SYTL3: variants seen among roughly 807,000 people sequenced by gnomAD.
SYTL3 encodes the protein synaptotagmin like 3, also known as synaptotagmin-like protein 3.
In SYTL3, 88 loss-of-function variants were observed where a neutral mutation model predicts 82.1. That is an observed-to-expected ratio of 1.07 (90% CI 0.90 to 1.28). SYTL3 has a LOEUF of 1.28. Ranked by LOEUF, SYTL3 falls within the 50% of genes most tolerant of loss-of-function variation. The pLI is 0.00. For synonymous variants in SYTL3, 311 were observed against 289.4 expected (o/e 1.07, Z -0.76); for missense variants, 831 against 757.6 (o/e 1.10, Z -1.14).
rs1789563746 is a variant in SYTL3 at position 158,663,173 on chromosome 6, G to A, written c.-96G>A. On this transcript the variant is annotated 5_prime_UTR_variant, in exon 4 of 18. Transcript: ENST00000611299. ...GAGAGGGAGCTCTTTAAACAAGGCT[G>A]GCTGCAGCTGGCCTCCGCCGCTCAT... 2.0e-6 allele frequency: 2 copies of A among 1,024,592 alleles called. No individual in the cohort carries two copies. The highest frequency in any genetic ancestry group is 2.5e-5 in the East Asian group (1 of 40,510). 63.5% of individuals were successfully genotyped at this position (1,024,592 alleles called of 1,614,324 possible).
At chr6:158,680,909 C>T (rs762101324) in intron 5 of SYTL3, among the ~76,000 whole-genome samples, 13 of 152,168 alleles carry the variant, frequency 8.5e-5, no homozygotes, top group Non-Finnish European at 2.9e-5. Context: ...ATTACTAGCA[C>T]TTCATAGAGA....
At chr6:158,676,039 A>C (rs1777993175) in intron 5 of SYTL3, among the ~76,000 whole-genome samples, 1 of 152,204 alleles carries the variant, frequency 6.6e-6, no homozygotes, top group Non-Finnish European at 1.5e-5. Flanking sequence ...TTCTTCACAG[A>C]ATTGGAAAAA....
intron 11 of SYTL3, among the ~76,000 whole-genome samples, chr6:158,733,712 C>G (rs2128493463): frequency 6.6e-6 from 1 of 152,172 alleles, no homozygotes; most frequent in South Asian, 2.1e-4. Flanking sequence ...CCAGTGGAAA[C>G]AAGACACTGT....
chr6:158,707,105 A>ATC, intron 6 of SYTL3, 125 bp from the exon 7 acceptor site: 1 of 978,586 alleles, frequency 1.0e-6, no homozygotes, highest in South Asian at 1.5e-5. Flanking sequence ...CCTCAAAATG[A>ATC]TCTCTTACTT....
chr6:158,659,322 GCTGT>G (rs1484905764), intron 2 of SYTL3, among the ~76,000 whole-genome samples: 2 of 152,186 alleles, frequency 1.3e-5, no homozygotes, highest in African/African-American at 4.8e-5. Context: ...GCCAGAAGGA[GCTGT>G]CTGTCTAGGG....
Position 158,663,367 on chromosome 6 carries a change from G to A in SYTL3, c.99G>A (p.Glu33=), listed in dbSNP as rs1332275504. The A allele has an allele frequency of 2.5e-6, 4 of 1,613,784 alleles. No individual in the cohort carries two copies. Among genetic ancestry groups the A allele is most frequent in the Admixed American group, 1.7e-5 (1 of 60,020 alleles). Reference sequence around the variant, plus strand: ...ACCAGGCGGTTCAAAACACAGAGGAGGAGAGGACACGGTAGGCTGCCCTTC... The same window carrying A: ...ACCAGGCGGTTCAAAACACAGAGGAAGAGAGGACACGGTAGGCTGCCCTTC... The part of the protein sequence containing the change: ...YRDQAVQNTE[E]ERTRKLKTHL... The change falls in exon 4 of 18, where the codon GAG becomes GAA. Residue 33 remains glutamate (E), a synonymous_variant. Transcript: ENST00000611299.
At chr6:158,652,693 C>T (rs1486078557) in intron 2 of SYTL3, among the ~76,000 whole-genome samples, 7 of 152,140 alleles carry the variant, frequency 4.6e-5, no homozygotes, top group Non-Finnish European at 1.5e-5. Flanking sequence ...AGGTGCCCAC[C>T]ACCATGCCCG....
chr6:158,747,511 T>C (rs1283865252), intron 12 of SYTL3, among the ~76,000 whole-genome samples: 2 of 151,882 alleles, frequency 1.3e-5, no homozygotes, highest in African/African-American at 4.8e-5. Context: ...ACTACAGGAG[T>C]GGAGTGCAAT....
At chr6:158,710,224 T>C (rs1782604380) in intron 8 of SYTL3, among the ~76,000 whole-genome samples, 1 of 152,206 alleles carries the variant, frequency 6.6e-6, no homozygotes, top group Admixed American at 6.5e-5. Flanking sequence ...AAGGGAAGTG[T>C]AGAAATACAC....
In SYTL3 at chr6:158,663,259, C is replaced by T. The variant is rs534279054; in HGVS notation, c.-10C>T. ...CTCTTCCAACCTGGGTCAACGAAAA[C>T]GGAGAAGAAATGGCCCAAGAAATAG... On this transcript the variant is annotated 5_prime_UTR_variant, in exon 4 of 18. In the 5' UTR this introduces an upstream ATG that the reference lacks. Coordinates refer to ENST00000611299, the MANE Select transcript of SYTL3 (RefSeq NM_001242394.2). 1.3e-5 allele frequency: 21 copies of T among 1,613,632 alleles called. No individual in the cohort carries two copies. The highest frequency in any genetic ancestry group is 7.7e-5 in the South Asian group (7 of 91,052).
At chr6:158,764,186 C>G (rs971359554) in intron 17 of SYTL3, among the ~76,000 whole-genome samples, 4 of 152,250 alleles carry the variant, frequency 2.6e-5, no homozygotes, top group African/African-American at 7.2e-5. Context: ...GCTAGCCATG[C>G]TGGTGTGCAA....
At chr6:158,703,822 C>CATTATTATT (rs71761794) in intron 6 of SYTL3, among the ~76,000 whole-genome samples, 11 of 129,514 alleles carry the variant, frequency 8.5e-5, no homozygotes, top group South Asian at 2.3e-4. Flanking sequence ...ATATTATTAT[C>CATTATTATT]ATTATTATTA....
At chr6:158,649,520 C>T (rs954086154), upstream of SYTL3, among the ~76,000 whole-genome samples, 1 of 152,224 alleles carries the variant, frequency 6.6e-6, no homozygotes, top group African/African-American at 2.4e-5. Context: ...CTTGGCCATG[C>T]CTGAGTTAGC....
At chr6:158,757,712 T>C (rs1357485829) in intron 14 of SYTL3, among the ~76,000 whole-genome samples, 1 of 152,208 alleles carries the variant, frequency 6.6e-6, no homozygotes, top group Non-Finnish European at 1.5e-5. Context: ...GCCATGCCTT[T>C]CCCTGGGGGC....
At chr6:158,717,832 A>G (rs1449665492) in intron 9 of SYTL3, among the ~76,000 whole-genome samples, 1 of 152,128 alleles carries the variant, frequency 6.6e-6, no homozygotes, top group Non-Finnish European at 1.5e-5. Flanking sequence ...CACCCTGACC[A>G]TGGCCTGGGT....
At chr6:158,660,243 C>T (rs1789213227) in intron 2 of SYTL3, among the ~76,000 whole-genome samples, 1 of 151,980 alleles carries the variant, frequency 6.6e-6, no homozygotes, top group African/African-American at 2.4e-5. Flanking sequence ...CCAGCCTGGA[C>T]AACAGAGCAA....
At chr6:158,746,977 A>T (rs1179945794) in intron 12 of SYTL3, among the ~76,000 whole-genome samples, 1 of 151,840 alleles carries the variant, frequency 6.6e-6, no homozygotes, top group Non-Finnish European at 1.5e-5. Context: ...TGCATTTGCC[A>T]CTTAGGTTTA....
chr6:158,732,939 T>C (rs1265368421), intron 11 of SYTL3, among the ~76,000 whole-genome samples: 1 of 127,292 alleles, frequency 7.9e-6, no homozygotes, highest in Non-Finnish European at 1.7e-5. Flanking sequence ...AAAACATGTT[T>C]TAAAAGTTTA....
In SYTL3 at chr6:158,665,592, G is replaced by A. The variant is rs985125928; in HGVS notation, c.308G>A (p.Cys103Tyr). The A allele has an allele frequency of 6.4e-6, 10 of 1,569,410 alleles. No homozygotes were observed. The highest frequency in any genetic ancestry group is 8.6e-6 in the Non-Finnish European group (10 of 1,156,738). Residue 103 changes from cysteine to tyrosine, a missense_variant, in exon 5 of 18, where the codon TGC becomes TAC. Cys to Tyr is a radical substitution (Grantham distance 194). Coordinates refer to ENST00000611299, the MANE Select transcript of SYTL3 (RefSeq NM_001242394.2). ...VFLRGTHAWK[C>Y]TVCFEDRNVK... ...CTGAGGGGGACCCATGCCTGGAAGT[G>A]CACGGTGTGCTTCGAGGACAGGTAA...
Sources: allele counts gnomAD v4.1 joint callset (sites outside exome capture counted in the v4.1 genomes callset), GRCh38; gene constraint gnomAD v4.1.1; transcripts MANE v1.5; gene names NCBI Gene and HGNC (gene_info 2026-07-23, HGNC 2026-07-21).